PTPDC1: variants seen among roughly 807,000 people sequenced by gnomAD.
The protein encoded by PTPDC1 is protein tyrosine phosphatase domain-containing protein 1.
Under a neutral mutation model 75.3 loss-of-function variants are expected in PTPDC1, and 53 were observed. The ratio of observed to expected loss-of-function variants is 0.70; its 90% CI spans 0.56 to 0.88. The LOEUF is 0.88. Ranked by LOEUF, PTPDC1 falls within the 40% of genes least tolerant of loss-of-function variation. The pLI, the probability that PTPDC1 is intolerant of heterozygous loss-of-function variation, is 0.00. For synonymous variants in PTPDC1, 349 were observed against 366.2 expected (o/e 0.95, Z 0.54); for missense variants, 925 against 998.6 (o/e 0.93, Z 0.99).
intron 2 of PTPDC1, among the ~76,000 whole-genome samples, chr9:94,068,387 G>A (rs1215797271): frequency 6.6e-6 from 1 of 152,012 alleles, no homozygotes; most frequent in Non-Finnish European, 1.5e-5. Context: ...CATTTTTTAA[G>A]ATTATAGACA....
chr9:94,082,640 C>T (rs1335417707), upstream of PTPDC1, among the ~76,000 whole-genome samples: 1 of 152,176 alleles, frequency 6.6e-6, no homozygotes, highest in Admixed American at 6.5e-5. Flanking sequence ...ATATTCACAG[C>T]ACCTCATTGT....
intron 1 of PTPDC1, among the ~76,000 whole-genome samples, chr9:94,055,449 G>A (rs572771122): frequency 3.3e-5 from 5 of 152,236 alleles, no homozygotes; most frequent in African/African-American, 1.2e-4. Context: ...CAACCAAGAT[G>A]TGCTTCAATA....
upstream of PTPDC1, among the ~76,000 whole-genome samples, chr9:94,083,453 C>T (rs558205004): frequency 1.3e-5 from 2 of 148,902 alleles, no homozygotes; most frequent in Admixed American, 1.3e-4. Context: ...CATTAGTAAT[C>T]GTTAAAAAAA....
intron 1 of PTPDC1, among the ~76,000 whole-genome samples, chr9:94,057,546 C>G (rs1825982352): frequency 6.6e-6 from 1 of 152,156 alleles, no homozygotes; most frequent in African/African-American, 2.4e-5. Context: ...TTATTGAATA[C>G]TTAAAAGCCA....
At chr9:94,073,858 A>T (rs889899219) in intron 2 of PTPDC1, among the ~76,000 whole-genome samples, 1 of 152,092 alleles carries the variant, frequency 6.6e-6, no homozygotes, top group Non-Finnish European at 1.5e-5. Flanking sequence ...ATTTATTTAT[A>T]AGTTTGACGT....
At chr9:94,037,260 G>A (rs1206749287) in intron 1 of PTPDC1, among the ~76,000 whole-genome samples, 1 of 152,110 alleles carries the variant, frequency 6.6e-6, no homozygotes. Flanking sequence ...AATTAGTGTT[G>A]TGACTGTTTT....
intron 1 of PTPDC1, among the ~76,000 whole-genome samples, chr9:94,062,348 A>G (rs943822040): frequency 3.9e-5 from 6 of 152,200 alleles, no homozygotes; most frequent in Non-Finnish European, 5.9e-5. Flanking sequence ...ACAAGTCTCT[A>G]GGAAGTTCCA....
intron 1 of PTPDC1, among the ~76,000 whole-genome samples, chr9:94,053,614 T>G (rs1377385415): frequency 6.6e-6 from 1 of 152,198 alleles, no homozygotes; most frequent in Admixed American, 6.5e-5. Flanking sequence ...AAATATGTAA[T>G]TGATACTAGG....
chr9:94,080,988 C>CTTTTTTTTT (rs1254750314), upstream of PTPDC1, among the ~76,000 whole-genome samples: 7 of 127,554 alleles, frequency 5.5e-5, no homozygotes, highest in East Asian at 2.2e-4. Flanking sequence ...TTTTCTTTTT[C>CTTTTTTTTT]TTTTTCTTTT....
intron 2 of PTPDC1, among the ~76,000 whole-genome samples, chr9:94,086,876 C>T (rs1002506295): frequency 5.3e-5 from 8 of 152,182 alleles, no homozygotes; most frequent in African/African-American, 1.9e-4. Flanking sequence ...TGAAACCAAG[C>T]CCAACTGACT....
upstream of PTPDC1, among the ~76,000 whole-genome samples, chr9:94,081,203 G>A (rs1826872544): frequency 5.3e-5 from 8 of 151,904 alleles, no homozygotes; most frequent in Admixed American, 5.2e-4. Flanking sequence ...TTGGCCAGGT[G>A]GGTTTCTAAC....
intron 1 of PTPDC1, among the ~76,000 whole-genome samples, chr9:94,044,756 A>G (rs1825537104): frequency 1.3e-5 from 2 of 148,824 alleles, no homozygotes; most frequent in Non-Finnish European, 3.0e-5. Flanking sequence ...ACACTTAGCT[A>G]GGACTTTTAA....
Position 94,085,233 on chromosome 9 carries a change from T to G in PTPDC1, c.245-18T>G. 6.3e-7 allele frequency: 1 copy of G among 1,599,950 alleles called. No homozygotes were observed. The highest frequency in any genetic ancestry group is 8.5e-7 in the Non-Finnish European group (1 of 1,170,660). On this transcript the variant is annotated intron_variant, in intron 1 of 8. Transcript: ENST00000620992. ...TGGAGAGTGGAATTTTGAATTTTCC[T>G]TTCCTTATATGTTCTAGGAAATTTA...
Position 94,104,360 on chromosome 9 carries a change from C to T in PTPDC1, c.2285C>T (p.Ala762Val), listed in dbSNP as rs765360315. 12 of 1,613,330 alleles carry T rather than the reference C, an allele frequency of 7.4e-6. 1 individual carries two copies. The highest frequency in any genetic ancestry group is 1.7e-5 in the Admixed American group (1 of 60,002). The change falls in exon 8 of 9, where the codon GCC becomes GTC. Residue 762 changes from alanine (A) to valine (V), a missense_variant. Ala to Val is a moderately conservative substitution (Grantham distance 64). Coordinates refer to ENST00000620992, the MANE Select transcript of PTPDC1 (RefSeq NM_001253829.2). ...IPVDVEEAFLAHAIKAFTKVN... is the reference protein window; with the variant it reads ...IPVDVEEAFLVHAIKAFTKVN... ...GTGGATGTGGAGGAAGCTTTCCTTG[C>T]CCATGCCATTAAGGCATTCACTAAG...
chr9:94,037,778 C>T (rs1482460431), intron 1 of PTPDC1, among the ~76,000 whole-genome samples: 5 of 152,008 alleles, frequency 3.3e-5, no homozygotes, highest in African/African-American at 4.8e-5. Context: ...TCCCAGGGTA[C>T]GAGGGTTCTA....
chr9:94,085,164 TC>T, intron 1 of PTPDC1, 86 bp from the exon 2 acceptor site: 1 of 1,208,810 alleles, frequency 8.3e-7, no homozygotes, highest in Admixed American at 2.1e-5. Context: ...TCATCTACCA[TC>T]CTGAGATAAA....
intron 1 of PTPDC1, among the ~76,000 whole-genome samples, chr9:94,037,831 G>C (rs76236009): frequency 0.025 from 3,806 of 152,208 alleles, 154 homozygotes; most frequent in African/African-American, 0.087. Flanking sequence ...CAGATATATA[G>C]TTAGCACTTT....
Position 94,069,094 on chromosome 9 carries a change from C to A in PTPDC1, c.82+4273C>A, listed in dbSNP as rs181231389. On this transcript the variant is annotated intron_variant, in intron 2 of 9. Transcript: ENST00000375360. ...AGAAATCAGCCATTTCTTCAAGGAG[C>A]CTTGGTTCTTTTTAGTAGGAAATAT... is the stretch of plus-strand genomic sequence containing the variant. Among the ~76,000 whole-genome samples, 618 of 152,246 alleles carry A rather than the reference C, an allele frequency of 4.1e-3. 4 individuals are homozygous for A. The highest frequency in any genetic ancestry group is 0.014 in the African/African-American group (562 of 41,532).
chr9:94,055,484 T>G (rs1825904750), intron 1 of PTPDC1, among the ~76,000 whole-genome samples: 1 of 152,214 alleles, frequency 6.6e-6, no homozygotes, highest in African/African-American at 2.4e-5. Context: ...TAAACTGTGA[T>G]GTATCCAGAC....
Sources: allele counts gnomAD v4.1 joint callset (sites outside exome capture counted in the v4.1 genomes callset), GRCh38; gene constraint gnomAD v4.1.1; transcripts MANE v1.5; gene names NCBI Gene and HGNC (gene_info 2026-07-23, HGNC 2026-07-21).